Variants in SBF2 observed in about 807,000 individuals in gnomAD.
The protein encoded by SBF2 is myotubularin-related protein 13.
SBF2 carries 112 observed loss-of-function variants against 225.2 expected under a neutral mutation model. The observed-to-expected ratio is 0.50, with a 90% CI of 0.43 to 0.58. The LOEUF is 0.58. SBF2 is among the 20% of genes least tolerant of loss of function. The probability of loss-of-function intolerance (pLI) is 0.00; values close to 1 mark genes in which losing one functional copy is unlikely to be tolerated. For synonymous variants in SBF2, 763 were observed against 773.3 expected (o/e 0.99, Z 0.22); for missense variants, 1,996 against 2,206.2 (o/e 0.90, Z 1.91).
At chr11:10,117,556 T>C (rs1377278432) in intron 2 of SBF2, among the ~76,000 whole-genome samples, 1 of 152,160 alleles carries the variant, frequency 6.6e-6, no homozygotes, top group Non-Finnish European at 1.5e-5. Flanking sequence ...TTTCTGTTTA[T>C]TGCATGTTGA....
At chr11:10,201,822 C>A (rs1591201957) in intron 1 of SBF2, among the ~76,000 whole-genome samples, 1 of 152,108 alleles carries the variant, frequency 6.6e-6, no homozygotes, top group African/African-American at 2.4e-5. Flanking sequence ...ATGGTGAAAC[C>A]CCATCTCTAC....
intron 16 of SBF2, among the ~76,000 whole-genome samples, chr11:9,931,182 C>T (rs1864472659): frequency 6.6e-6 from 1 of 152,250 alleles, no homozygotes; most frequent in African/African-American, 2.4e-5. Context: ...CAGGGCATAG[C>T]TGAACAAAAC....
At chr11:9,916,539 C>T (rs1008025596) in intron 16 of SBF2, among the ~76,000 whole-genome samples, 5 of 151,644 alleles carry the variant, frequency 3.3e-5, no homozygotes, top group African/African-American at 1.2e-4. Context: ...TGAAAGCGGC[C>T]TTGGAAATAC....
Position 9,993,000 on chromosome 11 carries a change from T to C in SBF2, c.1157A>G (p.His386Arg). Residue 386 changes from histidine (H) to arginine (R), a missense_variant, in exon 11 of 40, where the codon CAT becomes CGT. Coordinates refer to ENST00000256190, the MANE Select transcript of SBF2 (RefSeq NM_030962.4). ...LIRIHAEPVIHFHKTAFLGQR... is the reference protein window; with the variant it reads ...LIRIHAEPVIRFHKTAFLGQR... ...AGTACTCTATCTTACCTTGTGGAAA[T>C]GTATTACTGGCTCTGCATGAATTCT... The C allele has an allele frequency of 6.2e-7, 1 of 1,601,758 alleles. No homozygotes were observed. Among genetic ancestry groups the C allele is most frequent in the Non-Finnish European group, 8.5e-7 (1 of 1,170,252 alleles).
At chr11:10,137,342 C>G (rs1308190172) in intron 2 of SBF2, among the ~76,000 whole-genome samples, 1 of 152,202 alleles carries the variant, frequency 6.6e-6, no homozygotes, top group Non-Finnish European at 1.5e-5. Context: ...CAACTACAAA[C>G]AGGGACAGAT....
intron 2 of SBF2, among the ~76,000 whole-genome samples, chr11:10,123,306 T>C (rs1953568219): frequency 6.6e-6 from 1 of 151,984 alleles, no homozygotes; most frequent in Admixed American, 6.6e-5. Context: ...TTTATTTGAG[T>C]ACAAAATATT....
intron 2 of SBF2, among the ~76,000 whole-genome samples, chr11:10,145,486 G>A (rs1954842762): frequency 6.6e-6 from 1 of 151,878 alleles, no homozygotes; most frequent in Non-Finnish European, 1.5e-5. Flanking sequence ...TTGATGGGAG[G>A]GGTATAAAAG....
intron 1 of SBF2, among the ~76,000 whole-genome samples, chr11:10,243,158 C>A (rs1959399578): frequency 6.6e-6 from 1 of 151,152 alleles, no homozygotes; most frequent in Non-Finnish European, 1.5e-5. Context: ...TGGAATGAAA[C>A]TAAATCAAAA....
At chr11:10,110,293 T>C (rs1188863157) in intron 2 of SBF2, among the ~76,000 whole-genome samples, 1 of 152,208 alleles carries the variant, frequency 6.6e-6, no homozygotes, top group East Asian at 1.9e-4. Context: ...TTTCATATTA[T>C]CAATGCACAT....
At chr11:9,968,745 C>A (rs756493823) in intron 13 of SBF2, among the ~76,000 whole-genome samples, 200 bp from the exon 14 acceptor site, 1 of 152,172 alleles carries the variant, frequency 6.6e-6, no homozygotes, top group Non-Finnish European at 1.5e-5. Context: ...TGGCATCTGT[C>A]TTCCTCTTCC....
intron 2 of SBF2, among the ~76,000 whole-genome samples, chr11:10,072,041 C>T (rs1465189833): frequency 6.6e-6 from 1 of 152,136 alleles, no homozygotes; most frequent in South Asian, 2.1e-4. Context: ...TATGTGTTTC[C>T]TTCCAAATAT....
At chr11:10,295,538 A>T (rs1199933471), upstream of SBF2, among the ~76,000 whole-genome samples, 1 of 152,064 alleles carries the variant, frequency 6.6e-6, no homozygotes, top group Non-Finnish European at 1.5e-5. Flanking sequence ...GAATCAGCTG[A>T]ATTTGCAAAC....
intron 13 of SBF2, among the ~76,000 whole-genome samples, chr11:9,979,089 T>A (rs904217707): frequency 6.6e-6 from 1 of 152,236 alleles, no homozygotes; most frequent in Non-Finnish European, 1.5e-5. Flanking sequence ...TGAAAGAACA[T>A]AGGCTTAGGA....
intron 26 of SBF2, among the ~76,000 whole-genome samples, chr11:9,833,530 C>T (rs1347323586): frequency 6.6e-6 from 1 of 150,844 alleles, no homozygotes; most frequent in Non-Finnish European, 1.5e-5. Flanking sequence ...ACGCCATTCT[C>T]CTGCCTCAGC....
At chr11:10,216,246 A>C (rs1033504493) in intron 1 of SBF2, among the ~76,000 whole-genome samples, 1 of 152,250 alleles carries the variant, frequency 6.6e-6, no homozygotes, top group Non-Finnish European at 1.5e-5. Context: ...ATTATAAGAG[A>C]AGGCTGAGAG....
At chr11:9,898,113 A>AG (rs1213192490) in intron 16 of SBF2, among the ~76,000 whole-genome samples, 4 of 152,144 alleles carry the variant, frequency 2.6e-5, no homozygotes, top group African/African-American at 9.7e-5. Context: ...CAGAAGGGAA[A>AG]TAGGCAAAGA....
At chr11:10,010,632 T>C (rs2134551400) in intron 6 of SBF2, among the ~76,000 whole-genome samples, 1 of 152,366 alleles carries the variant, frequency 6.6e-6, no homozygotes, top group East Asian at 1.9e-4. Flanking sequence ...GCTGTTTTGG[T>C]TACTGTAGTC....
At chr11:10,087,524 T>C (rs913317688) in intron 2 of SBF2, among the ~76,000 whole-genome samples, 1 of 152,194 alleles carries the variant, frequency 6.6e-6, no homozygotes, top group African/African-American at 2.4e-5. Flanking sequence ...TTAAATTTAG[T>C]TAGCTAACTG....
intron 1 of SBF2, among the ~76,000 whole-genome samples, chr11:10,194,539 C>G (rs1957294226): frequency 6.6e-6 from 1 of 152,122 alleles, no homozygotes; most frequent in Non-Finnish European, 1.5e-5. Context: ...GAGGCAGAGT[C>G]TTGCTCTGTT....
Sources: allele counts gnomAD v4.1 joint callset (sites outside exome capture counted in the v4.1 genomes callset), GRCh38; gene constraint gnomAD v4.1.1; transcripts MANE v1.5; gene names NCBI Gene and HGNC (gene_info 2026-07-23, HGNC 2026-07-21).